Variants in DLG2 observed in about 807,000 individuals in gnomAD.
DLG2 encodes the protein disks large homolog 2.
DLG2 carries 45 observed loss-of-function variants against 132.5 expected under a neutral mutation model. The observed-to-expected ratio is 0.34, with a 90% CI of 0.27 to 0.44. The LOEUF (loss-of-function observed/expected upper bound fraction) is 0.44. DLG2 is among the 20% of genes least tolerant of loss of function. The pLI is 1.00. For missense variants in DLG2, 1,045 were observed against 1,196.9 expected, an observed-to-expected ratio of 0.87 and a Z score of 1.87; for synonymous variants, 424 against 419.6, an observed-to-expected ratio of 1.01 and a Z score of -0.13.
At chr11:85,101,817 T>C (rs1195112126) in intron 6 of DLG2, among the ~76,000 whole-genome samples, 1 of 152,090 alleles carries the variant, frequency 6.6e-6, no homozygotes, top group African/African-American at 2.4e-5. Flanking sequence ...AGATAGAGCT[T>C]AGCAACCCCT....
chr11:83,893,884 A>G (rs2070750056), intron 15 of DLG2, among the ~76,000 whole-genome samples: 1 of 152,178 alleles, frequency 6.6e-6, no homozygotes, highest in Non-Finnish European at 1.5e-5. Context: ...GACTTCATTT[A>G]ACAGGAAGCA....
At chr11:84,924,951 C>T (rs73518975) in intron 6 of DLG2, among the ~76,000 whole-genome samples, 23,437 of 152,110 alleles carry the variant, frequency 0.15, 1,939 homozygotes, top group South Asian at 0.23. Flanking sequence ...ACACTTTCCC[C>T]TCCCAAGGTT....
chr11:85,008,607 T>C (rs1174511996), intron 6 of DLG2, among the ~76,000 whole-genome samples: 1 of 152,126 alleles, frequency 6.6e-6, no homozygotes, highest in Admixed American at 6.5e-5. Flanking sequence ...AAGTAGTCCA[T>C]TTATCTTAAA....
At chr11:85,506,773 GT>G (rs2093945081) in intron 3 of DLG2, among the ~76,000 whole-genome samples, 1 of 152,174 alleles carries the variant, frequency 6.6e-6, no homozygotes, top group Non-Finnish European at 1.5e-5. Context: ...GGATATCCTT[GT>G]TAACTTTCTG....
chr11:84,739,977 T>C (rs563010772), intron 6 of DLG2, among the ~76,000 whole-genome samples: 2 of 152,094 alleles, frequency 1.3e-5, no homozygotes, highest in Admixed American at 6.6e-5. Flanking sequence ...GTCCATTGTC[T>C]TGGGGGATAT....
At chr11:84,862,502 A>T (rs1383738154) in intron 6 of DLG2, among the ~76,000 whole-genome samples, 1 of 152,018 alleles carries the variant, frequency 6.6e-6, no homozygotes, top group Non-Finnish European at 1.5e-5. Context: ...ATCATTCTAC[A>T]ATAAAGACAC....
At chr11:84,607,155 T>A (rs1206958226) in intron 6 of DLG2, among the ~76,000 whole-genome samples, 1 of 152,012 alleles carries the variant, frequency 6.6e-6, no homozygotes, top group Non-Finnish European at 1.5e-5. Context: ...AGATAGTGAG[T>A]CACTGGAATG....
At chr11:83,885,597 A>T (rs556017618) in intron 15 of DLG2, among the ~76,000 whole-genome samples, 1 of 152,236 alleles carries the variant, frequency 6.6e-6, no homozygotes, top group East Asian at 1.9e-4. Flanking sequence ...AATACAGAGA[A>T]CGCCACAAAG....
chr11:83,880,493 G>A (rs952416372), intron 15 of DLG2, among the ~76,000 whole-genome samples: 1 of 152,162 alleles, frequency 6.6e-6, no homozygotes, highest in Non-Finnish European at 1.5e-5. Flanking sequence ...TTCTCCTCCT[G>A]AAAGTGAAAT....
chr11:83,713,493 G>T (rs756630050), intron 18 of DLG2, among the ~76,000 whole-genome samples: 1 of 152,128 alleles, frequency 6.6e-6, no homozygotes, highest in Non-Finnish European at 1.5e-5. Flanking sequence ...ATGTTCCTAC[G>T]TGAGCAGCAG....
intron 3 of DLG2, among the ~76,000 whole-genome samples, chr11:85,328,823 G>C (rs1268102442): frequency 1.1e-5 from 1 of 89,536 alleles, no homozygotes; most frequent in African/African-American, 4.3e-5. Flanking sequence ...TAGGAAAAGA[G>C]GAAGTCAAAT....
At chr11:85,539,578 G>A (rs75712246) in intron 3 of DLG2, among the ~76,000 whole-genome samples, 1,961 of 152,200 alleles carry the variant, frequency 0.013, 24 homozygotes, top group South Asian at 0.047. Context: ...AGTTACTGAT[G>A]ATAGCTGCAT....
intron 6 of DLG2, among the ~76,000 whole-genome samples, chr11:84,713,582 CAG>C (rs2060687112): frequency 6.6e-6 from 1 of 152,050 alleles, no homozygotes; most frequent in Non-Finnish European, 1.5e-5. Flanking sequence ...CAAAGTCTAA[CAG>C]AGTTTTAACC....
intron 6 of DLG2, among the ~76,000 whole-genome samples, chr11:84,624,190 T>A (rs977366183): frequency 6.6e-6 from 1 of 152,192 alleles, no homozygotes; most frequent in African/African-American, 2.4e-5. Context: ...TTTTTGTTTT[T>A]TCAAAGAACT....
intron 16 of DLG2, among the ~76,000 whole-genome samples, chr11:83,864,551 C>T (rs753551075): frequency 1.3e-5 from 2 of 152,136 alleles, no homozygotes; most frequent in Non-Finnish European, 1.5e-5. Flanking sequence ...CAAATGTGAT[C>T]CATTGGTCAA....
chr11:84,593,734 C>T (rs979932358), intron 6 of DLG2, among the ~76,000 whole-genome samples: 6 of 151,816 alleles, frequency 4.0e-5, no homozygotes, highest in African/African-American at 1.2e-4. Context: ...CACCATGGCA[C>T]GAGTATATCT....
chr11:84,331,458 A>AAAAT (rs1555509073), intron 7 of DLG2, among the ~76,000 whole-genome samples: 183 of 138,978 alleles, frequency 1.3e-3, no homozygotes, highest in Non-Finnish European at 1.4e-3. Context: ...AAAAAAAAAA[A>AAAAT]AAATAAATAA....
At chr11:84,035,468 CA>C (rs1208213276) in intron 11 of DLG2, among the ~76,000 whole-genome samples, 3 of 152,134 alleles carry the variant, frequency 2.0e-5, no homozygotes, top group South Asian at 4.1e-4. Flanking sequence ...GTTACAGGCA[CA>C]AAGAATAGCC....
chr11:84,499,367 G>C (rs1202313521), intron 7 of DLG2, among the ~76,000 whole-genome samples: 1 of 152,142 alleles, frequency 6.6e-6, no homozygotes, highest in Non-Finnish European at 1.5e-5. Context: ...CAATTTAGTA[G>C]CTCAAATTTG....
Sources: gnomAD v4.1 joint callset for allele counts (sites outside exome capture counted in the v4.1 genomes callset) on GRCh38, gnomAD v4.1.1 for gene constraint, MANE v1.5 for transcripts, NCBI Gene and HGNC (gene_info 2026-07-23, HGNC 2026-07-21) for gene names.